The following USP4 variants were observed in gnomAD, a reference collection of about 807,000 sequenced individuals.
USP4 encodes ubiquitin specific peptidase 4.
Under a neutral mutation model 118.2 loss-of-function variants are expected in USP4, and 72 were observed. That is an observed-to-expected ratio of 0.61 (90% CI 0.50 to 0.74). USP4 has a LOEUF of 0.74. Among genes scored for constraint, USP4 ranks in the 30% least tolerant of loss-of-function variants. USP4 has a pLI of 0.00. For synonymous variants in USP4, 415 were observed against 440.4 expected, an observed-to-expected ratio of 0.94 and a Z score of 0.72; for missense variants, 1,037 against 1,185.7, an observed-to-expected ratio of 0.87 and a Z score of 1.84.
At chr3:49,327,645 GCAGA>G (rs767180506) in intron 3 of USP4, 37 bp downstream of exon 3, 3 of 1,611,594 alleles carry the variant, frequency 1.9e-6, no homozygotes, top group Non-Finnish European at 2.5e-6. Context: ...GAAAGCACCT[GCAGA>G]CAGTGACCAG....
At chr3:49,288,847 C>T (rs75565393) in intron 15 of USP4, among the ~76,000 whole-genome samples, 2 of 151,164 alleles carry the variant, frequency 1.3e-5, no homozygotes, top group East Asian at 4.0e-4. Context: ...CAATGGCTCA[C>T]GCCTATGATC....
chr3:49,311,800 G>A (rs1575612366), intron 6 of USP4, 146 bp from the exon 7 acceptor site: 1 of 1,369,368 alleles, frequency 7.3e-7, no homozygotes, highest in East Asian at 2.9e-5. Context: ...ACTACTTCAA[G>A]GTAAACTTTA....
intron 3 of USP4, among the ~76,000 whole-genome samples, chr3:49,327,073 G>C (rs758545967): frequency 1.3e-5 from 2 of 152,146 alleles, no homozygotes; most frequent in Non-Finnish European, 2.9e-5. Context: ...CAGGACATTA[G>C]CTATATGTCC....
In USP4 at chr3:49,339,968, C is replaced by G; in HGVS notation, c.57G>C (p.Glu19Asp). 1 of 1,612,864 alleles carries G rather than the reference C, an allele frequency of 6.2e-7. No individual in the cohort carries two copies. Among genetic ancestry groups the G allele is most frequent in the Non-Finnish European group, 8.5e-7 (1 of 1,179,904 alleles). The change falls in exon 1 of 22, where the codon GAG (glutamate) becomes GAC (aspartate). Residue 19 changes from glutamate (E) to aspartate (D), a missense_variant. By Grantham distance (45) the Glu-to-Asp change is conservative. Coordinates refer to ENST00000265560, the MANE Select transcript of USP4 (RefSeq NM_003363.4). ...ERPDAETQKSELGPLMRTTLQ... is the reference protein window; with the variant it reads ...ERPDAETQKSDLGPLMRTTLQ... ...GTGTGGTCCTCATTAAGGGTCCAAG[C>G]TCGGACTTCTGAGTCTCCGCATCCG...
chr3:49,325,811 T>A lies in USP4; in HGVS notation c.395A>T (p.Lys132Ile), dbSNP rs199612599. The change falls in exon 4 of 22, where the codon AAA becomes ATA. Residue 132 changes from lysine (K) to isoleucine (I), a missense_variant. Transcript: ENST00000265560. ...VEHGLFVKHC[K>I]VEVYLLELKL... ...CAGTTCCAGCAAATACACCTCGACT[T>A]TGCAGTGCTTGACAAACAGGCCATG... is the stretch of plus-strand genomic sequence containing the variant. The A allele has an allele frequency of 1.1e-5, 18 of 1,613,696 alleles. No homozygotes were observed. Among genetic ancestry groups the A allele is most frequent in the African/African-American group, 1.3e-5 (1 of 74,884 alleles).
chr3:49,306,573 C>G (rs1026282861), intron 8 of USP4, among the ~76,000 whole-genome samples: 1 of 152,002 alleles, frequency 6.6e-6, no homozygotes, highest in African/African-American at 2.4e-5. Flanking sequence ...TTCCTAGCAT[C>G]ATGAGATAGA....
chr3:49,309,033 C>CAA (rs35731425), intron 8 of USP4, among the ~76,000 whole-genome samples: 5,018 of 69,442 alleles, frequency 0.072, 187 homozygotes, highest in Non-Finnish European at 0.1. Flanking sequence ...GATGCTGTCT[C>CAA]AAAAAAAAAA....
intron 8 of USP4, among the ~76,000 whole-genome samples, chr3:49,307,752 T>G (rs1013884930): frequency 6.6e-6 from 1 of 152,064 alleles, no homozygotes; most frequent in South Asian, 2.1e-4. Context: ...GAGACCAGCC[T>G]GGGCATCATA....
chr3:49,333,935 C>T lies in USP4; in HGVS notation c.229+1534G>A, dbSNP rs1369283286. On this transcript the variant is annotated intron_variant, in intron 2 of 21. Transcript: ENST00000265560. The stretch of plus-strand genomic sequence containing the variant: ...TCGGGAGGCTGAGGCAGGAGAATCA[C>T]TTGAACCCAAGAGGTGGAGGTTGCC... Among the ~76,000 whole-genome samples the T allele has an allele frequency of 2.0e-5, 3 of 152,124 alleles. No homozygotes were observed. The East Asian group carries it at 5.8e-4, about 29-fold the overall frequency.
At chr3:49,294,879 C>A (rs547623667) in intron 13 of USP4, among the ~76,000 whole-genome samples, 9 of 152,334 alleles carry the variant, frequency 5.9e-5, no homozygotes, top group Middle Eastern at 3.4e-3. Flanking sequence ...GGTCCTTCAA[C>A]TGGGACCCAA....
intron 13 of USP4, among the ~76,000 whole-genome samples, chr3:49,296,581 A>C (rs1191211586): frequency 1.3e-5 from 2 of 151,602 alleles, no homozygotes; most frequent in Non-Finnish European, 2.9e-5. Flanking sequence ...CCCGGGAGGC[A>C]GAGCTTGCAG....
At chr3:49,324,353 C>G (rs2047529892) in intron 6 of USP4, among the ~76,000 whole-genome samples, 1 of 152,162 alleles carries the variant, frequency 6.6e-6, no homozygotes, top group Non-Finnish European at 1.5e-5. Context: ...TTCCTCTTAT[C>G]CATCAAGGCC....
intron 7 of USP4, among the ~76,000 whole-genome samples, chr3:49,311,267 C>G (rs2047379950): frequency 6.6e-6 from 1 of 152,174 alleles, no homozygotes; most frequent in Non-Finnish European, 1.5e-5. Flanking sequence ...GACCCCCCCA[C>G]CCTCCGAGAC....
chr3:49,324,101 C>T (rs568914979), intron 6 of USP4, among the ~76,000 whole-genome samples: 44 of 152,174 alleles, frequency 2.9e-4, no homozygotes, highest in Middle Eastern at 3.4e-3. Flanking sequence ...TGGATTCAAG[C>T]GACTCTTGAG....
chr3:49,338,443 G>C (rs2047694764), intron 1 of USP4, among the ~76,000 whole-genome samples: 1 of 150,956 alleles, frequency 6.6e-6, no homozygotes, highest in Non-Finnish European at 1.5e-5. Flanking sequence ...GCGATCACCT[G>C]AGATCTGGAA....
chr3:49,287,264 C>G (rs984839083), intron 15 of USP4, among the ~76,000 whole-genome samples: 1 of 152,022 alleles, frequency 6.6e-6, no homozygotes, highest in Non-Finnish European at 1.5e-5. Flanking sequence ...AAGCAATTCT[C>G]CTGCCTCAGC....
chr3:49,336,358 G>C (rs7612726), intron 1 of USP4, among the ~76,000 whole-genome samples: 2 of 150,422 alleles, frequency 1.3e-5, no homozygotes, highest in Non-Finnish European at 3.0e-5. Context: ...ATTTTTAGTA[G>C]AGATGGAGTT....
chr3:49,301,711 T>A lies in USP4; in HGVS notation c.1287+673A>T, dbSNP rs566232667. ...TCAAAAAAAATAAATAAATAAATTT[T>A]AAAAATAAAGTTTTTATCTATACTA... On this transcript the variant is annotated intron_variant, in intron 10 of 21. Coordinates refer to ENST00000265560, the MANE Select transcript of USP4 (RefSeq NM_003363.4). 5.3e-5 allele frequency among the ~76,000 whole-genome samples: 8 copies of A among 152,178 alleles called. No homozygotes were observed. In the East Asian group the frequency reaches 1.2e-3, roughly 22 times the overall value.
chr3:49,308,257 C>T (rs1255329823), intron 8 of USP4, among the ~76,000 whole-genome samples: 2 of 152,124 alleles, frequency 1.3e-5, no homozygotes, highest in African/African-American at 2.4e-5. Context: ...ATGTGACTTA[C>T]GGTGGGGGCT....
Sources: allele counts gnomAD v4.1 joint callset (sites outside exome capture counted in the v4.1 genomes callset), GRCh38; gene constraint gnomAD v4.1.1; transcripts MANE v1.5; gene names NCBI Gene and HGNC (gene_info 2026-07-23, HGNC 2026-07-21).